Variants in PLCH2 observed in about 807,000 individuals in gnomAD.
PLCH2 encodes phospholipase C eta 2.
PLCH2 carries 98 observed loss-of-function variants against 134.7 expected under a neutral mutation model. The ratio of observed to expected loss-of-function variants is 0.73; its 90% CI spans 0.62 to 0.86. The LOEUF (loss-of-function observed/expected upper bound fraction) is 0.86. PLCH2 is among the 40% of genes least tolerant of loss of function. The pLI is 0.00. For synonymous variants in PLCH2, 974 were observed against 827.5 expected (o/e 1.18, Z -3.04); for missense variants, 1,994 against 1,986.6 (o/e 1.00, Z -0.07).
chr1:2,430,484 G>T (rs889472685), exon 2 of PLCH2: 4 of 152,368 alleles, frequency 2.6e-5, no homozygotes, highest in Non-Finnish European at 5.9e-5. Flanking sequence ...GCTTTCAGTT[G>T]CTGCCCCCAC....
At chr1:2,450,053 G>T (rs868644127) in intron 2 of PLCH2, among the ~76,000 whole-genome samples, 1 of 152,176 alleles carries the variant, frequency 6.6e-6, no homozygotes, top group Non-Finnish European at 1.5e-5. Context: ...GCTCCCCTGG[G>T]GTCTCCTGAG....
chr1:2,422,887 A>G (rs567156662), upstream of PLCH2, among the ~76,000 whole-genome samples: 1 of 152,284 alleles, frequency 6.6e-6, no homozygotes, highest in African/African-American at 2.4e-5. Context: ...ATAATTTTGG[A>G]AGACCATGTT....
rs552701413 is a variant in PLCH2, at chr1:2,476,703, G to A, written c.115G>A (p.Gly39Ser). ...SVVLSSEWQL[G>S]PLVERCMGAM... ...GGTGCTGTCTTCAGAGTGGCAGCTC[G>A]GCCCCCTGGGTAAGAAGGGGCAGGC... Residue 39 changes from glycine to serine, a missense_variant, in exon 1 of 22, where the codon GGC becomes AGC. This residue lies in a region of PLCH2 where 1,094 missense variants were observed against 1,234.3 expected (regional missense o/e 0.89). Transcript: ENST00000378486. The A allele has an allele frequency of 4.2e-5, 68 of 1,606,704 alleles. No homozygotes were observed. The highest frequency in any genetic ancestry group is 2.5e-4 in the East Asian group (11 of 44,664).
intron 2 of PLCH2, among the ~76,000 whole-genome samples, chr1:2,458,309 G>A (rs1258605636): frequency 6.6e-6 from 1 of 152,222 alleles, no homozygotes; most frequent in South Asian, 2.1e-4. Context: ...ACCTTGTGCA[G>A]GCATCCAGCT....
intron 2 of PLCH2, among the ~76,000 whole-genome samples, chr1:2,436,121 C>A (rs1213511130): frequency 1.5e-5 from 2 of 134,020 alleles, no homozygotes; most frequent in Non-Finnish European, 3.2e-5. Context: ...TCCCCTCCTC[C>A]CTTCCTCCCT....
chr1:2,500,663 C>T (rs984184968), intron 20 of PLCH2: 1 of 152,286 alleles, frequency 6.6e-6, no homozygotes, highest in Non-Finnish European at 1.5e-5. Flanking sequence ...GACTGTCGCT[C>T]ATGTGACGTG....
At chr1:2,440,694 G>C (rs2494638) in intron 2 of PLCH2, among the ~76,000 whole-genome samples, 18,795 of 46,214 alleles carry the variant, frequency 0.41, 5,254 homozygotes, top group East Asian at 0.78. Context: ...GCTGGCCTTG[G>C]CCGGCCTGCC....
At chr1:2,461,593 T>C (rs1313876395) in intron 2 of PLCH2, among the ~76,000 whole-genome samples, 1 of 152,052 alleles carries the variant, frequency 6.6e-6, no homozygotes, top group East Asian at 1.9e-4. Flanking sequence ...GGGCCTCGGC[T>C]CCCCTCCAGC....
chr1:2,502,953 G>A (rs1643320437), intron 21 of PLCH2: 2 of 717,024 alleles, frequency 2.8e-6, no homozygotes, highest in African/African-American at 1.7e-5. Flanking sequence ...CACGCCCCTG[G>A]CATGGCTGGG....
intron 4 of PLCH2, among the ~76,000 whole-genome samples, chr1:2,484,129 C>CCCGTATGGGTGATGTTGGCTT (rs1553251347): frequency 6.6e-6 from 1 of 152,028 alleles, no homozygotes; most frequent in African/African-American, 2.4e-5. Context: ...GTTGTTGACT[C>CCCGTATGGGTGATGTTGGCTT]CCGTATGGGT....
chr1:2,496,461 C>T (rs574910405), intron 13 of PLCH2, 146 bp from the exon 14 acceptor site: 45 of 699,114 alleles, frequency 6.4e-5, no homozygotes, highest in East Asian at 3.2e-4. Context: ...CCGCAGCCCG[C>T]GGCCCAGTCT....
chr1:2,495,621 C>T, intron 13 of PLCH2, 51 bp downstream of exon 13: 1 of 1,342,028 alleles, frequency 7.5e-7, no homozygotes, highest in Non-Finnish European at 1.0e-6. Context: ...GGAGCCTGGC[C>T]CAACCGGGCC....
At chr1:2,482,533 G>A (rs529506396) in intron 4 of PLCH2, among the ~76,000 whole-genome samples, 18 of 152,230 alleles carry the variant, frequency 1.2e-4, no homozygotes, top group Non-Finnish European at 1.9e-4. Context: ...TTCATGCCAC[G>A]CTGGCCTCAT....
intron 2 of PLCH2, among the ~76,000 whole-genome samples, chr1:2,458,884 G>T (rs1220169200): frequency 1.3e-5 from 2 of 152,256 alleles, no homozygotes; most frequent in Admixed American, 1.3e-4. Flanking sequence ...ATCTGGGGAT[G>T]TCCCCGTGCG....
At chr1:2,437,061 C>G (rs1639456802) in intron 2 of PLCH2, among the ~76,000 whole-genome samples, 1 of 152,196 alleles carries the variant, frequency 6.6e-6, no homozygotes, top group Admixed American at 6.5e-5. Flanking sequence ...GACAGGGCCG[C>G]CAGGCCTCTC....
intron 13 of PLCH2, among the ~76,000 whole-genome samples, chr1:2,496,068 G>A (rs950552484): frequency 6.6e-6 from 1 of 151,148 alleles, no homozygotes; most frequent in Admixed American, 6.6e-5. Flanking sequence ...CCCCCGTGCC[G>A]CCCACTCCCT....
intron 2 of PLCH2, among the ~76,000 whole-genome samples, chr1:2,434,945 G>C (rs1447016518): frequency 6.6e-6 from 1 of 152,106 alleles, no homozygotes; most frequent in East Asian, 1.9e-4. Flanking sequence ...GCCCCTAGAA[G>C]TGTGTCCCCG....
rs1639767575 is a variant in PLCH2 at position 2,443,217 on chromosome 1, G to A, written c.115+12588G>A. On this transcript the variant is annotated intron_variant, in intron 2 of 3. Transcript: ENST00000609981. ...CCCTCTTGGGGCTGGGCCGTACCCC[G>A]TTCTCAGCAGTCCCAGGCACTTCTG... is the stretch of plus-strand genomic sequence containing the variant. Among the ~76,000 whole-genome samples the A allele has an allele frequency of 2.0e-5, 3 of 152,314 alleles. No individual in the cohort carries two copies. In the South Asian group the frequency reaches 6.2e-4, roughly 32 times the overall value.
rs1222612530 is a variant in PLCH2, at chr1:2,499,731, C to T, written c.2661+11C>T. 1.9e-6 allele frequency: 3 copies of T among 1,561,356 alleles called. No individual in the cohort carries two copies. The highest frequency in any genetic ancestry group is 2.4e-5 in the East Asian group (1 of 42,108). ...GACATCAGCGGTAAGGTGAGTGTCA[C>T]CCCCTGCCACCAGCCATCATGGGGA... On this transcript the variant is annotated intron_variant, in intron 20 of 21. Coordinates refer to ENST00000378486, the MANE Select transcript of PLCH2 (RefSeq NM_014638.4).
Sources: allele counts gnomAD v4.1 joint callset (sites outside exome capture counted in the v4.1 genomes callset), GRCh38; gene constraint gnomAD v4.1.1; regional missense constraint gnomAD v4.1.1; transcripts MANE v1.5; gene names NCBI Gene and HGNC (gene_info 2026-07-23, HGNC 2026-07-21).